VAV3: variants seen among roughly 807,000 people sequenced by gnomAD.
VAV3 encodes the protein vav guanine nucleotide exchange factor 3, also known as guanine nucleotide exchange factor VAV3.
Under a neutral mutation model 131.2 loss-of-function variants are expected in VAV3, and 94 were observed. The ratio of observed to expected loss-of-function variants is 0.72; its 90% CI spans 0.61 to 0.85. The LOEUF is 0.85. Ranked by LOEUF, VAV3 falls within the 40% of genes least tolerant of loss-of-function variation. The pLI, the probability that VAV3 is intolerant of heterozygous loss-of-function variation, is 0.00. For synonymous variants in VAV3, 349 were observed against 342.0 expected (o/e 1.02, Z -0.22); for missense variants, 939 against 1,002.7 (o/e 0.94, Z 0.86).
At chr1:107,749,732 G>A in intron 13 of VAV3, 138 bp from the exon 14 acceptor site, 1 of 926,176 alleles carries the variant, frequency 1.1e-6, no homozygotes, top group Non-Finnish European at 1.6e-6. Flanking sequence ...AAAACAACGG[G>A]GTATTTGAGG....
At chr1:107,641,056 G>A (rs1655302197) in intron 20 of VAV3, among the ~76,000 whole-genome samples, 1 of 152,096 alleles carries the variant, frequency 6.6e-6, no homozygotes, top group African/African-American at 2.4e-5. Flanking sequence ...ACACAGAAGT[G>A]GTCTGAAGAG....
At position 107,671,157 on chromosome 1, in the gene VAV3, C is replaced by T. The variant is rs561925024; in HGVS notation, c.1777+12331G>A. Among the ~76,000 whole-genome samples the T allele has an allele frequency of 3.2e-4, 48 of 152,300 alleles. 1 individual carries two copies. The South Asian group carries it at 6.4e-3, about 20-fold the overall frequency. On this transcript the variant is annotated intron_variant, in intron 19 of 26. Transcript: ENST00000370056. ...GTTTATCTAATCATGTTCACGTCCTCTAGACAAACTGAAAGAGTAATTCTT... is the reference window on the plus strand; with the variant it reads ...GTTTATCTAATCATGTTCACGTCCTTTAGACAAACTGAAAGAGTAATTCTT...
At chr1:107,603,311 C>T in intron 22 of VAV3, 148 bp from the exon 23 acceptor site, 2 of 624,298 alleles carry the variant, frequency 3.2e-6, no homozygotes, top group South Asian at 4.3e-5. Context: ...AAAAATAAAT[C>T]AGAAAAAGGT....
At chr1:107,692,352 A>G (rs1557767089) in intron 17 of VAV3, among the ~76,000 whole-genome samples, 1 of 152,202 alleles carries the variant, frequency 6.6e-6, no homozygotes, top group Non-Finnish European at 1.5e-5. Flanking sequence ...ACCATATAAT[A>G]GATTCCAATT....
intron 1 of VAV3, among the ~76,000 whole-genome samples, chr1:107,944,050 T>C (rs1331597829): frequency 6.6e-6 from 1 of 152,246 alleles, no homozygotes; most frequent in African/African-American, 2.4e-5. Flanking sequence ...TAGGCTAGGC[T>C]GCCATAAGCT....
intron 20 of VAV3, among the ~76,000 whole-genome samples, chr1:107,620,962 T>C (rs1332641169): frequency 6.6e-6 from 1 of 152,120 alleles, no homozygotes; most frequent in Non-Finnish European, 1.5e-5. Flanking sequence ...GATGAACATA[T>C]AATTTTCCAT....
rs541891504 is a variant in VAV3 at position 107,597,138 on chromosome 1, T to C, written c.2221-797A>G. On this transcript the variant is annotated intron_variant, in intron 24 of 26. Coordinates refer to ENST00000370056, the MANE Select transcript of VAV3 (RefSeq NM_006113.5). ...AGTCCTGTAGATATAAAATTTCTTA[T>C]AAATATCTGAAATGAAAATAAACGA... Among the ~76,000 whole-genome samples, 6 of 151,592 alleles carry C rather than the reference T, an allele frequency of 4.0e-5. 1 individual carries two copies. The South Asian group carries it at 1.3e-3, about 32-fold the overall frequency.
At chr1:107,888,008 G>GGC (rs1002239571) in intron 1 of VAV3, among the ~76,000 whole-genome samples, 15 of 151,918 alleles carry the variant, frequency 9.9e-5, no homozygotes, top group African/African-American at 3.6e-4. Flanking sequence ...AAAATTTGGG[G>GGC]GGGGGGTTAT....
chr1:107,776,840 T>A (rs960413692), intron 4 of VAV3, among the ~76,000 whole-genome samples: 23 of 152,176 alleles, frequency 1.5e-4, no homozygotes, highest in Admixed American at 1.3e-4. Flanking sequence ...TACTAAAACA[T>A]CCCGAATAGC....
chr1:107,641,518 A>T (rs2101496726), intron 20 of VAV3, among the ~76,000 whole-genome samples: 1 of 152,262 alleles, frequency 6.6e-6, no homozygotes, highest in East Asian at 1.9e-4. Flanking sequence ...TTAACATAAT[A>T]CCATATTTAC....
Position 107,666,381 on chromosome 1 carries a change from G to A in VAV3, c.1777+17107C>T, listed in dbSNP as rs1460367561. Reference sequence around the variant, plus strand: ...TTGGAGAATGCCAGAGTGACCTGAAGCAAGGTGATATCTGCAATTTGGAAA... The same window carrying A: ...TTGGAGAATGCCAGAGTGACCTGAAACAAGGTGATATCTGCAATTTGGAAA... On this transcript the variant is annotated intron_variant, in intron 19 of 26. Transcript: ENST00000370056. Among the ~76,000 whole-genome samples the A allele has an allele frequency of 3.3e-5, 5 of 152,266 alleles. No individual in the cohort carries two copies. In the South Asian group the frequency reaches 8.3e-4, roughly 25 times the overall value.
Position 107,601,693 on chromosome 1 carries a change from C to T in VAV3, c.2220+704G>A, listed in dbSNP as rs139243056. 1.8e-3 allele frequency among the ~76,000 whole-genome samples: 279 copies of T among 152,248 alleles called. 3 individuals carry two copies. Among genetic ancestry groups the T allele is most frequent in the African/African-American group, 6.2e-3 (258 of 41,548 alleles). On this transcript the variant is annotated intron_variant, in intron 24 of 26. Transcript: ENST00000370056. ...TGAATTTAGAGTTTACTGTTAGCAA[C>T]GCATACATGATGATATATACACATT...
At chr1:107,642,412 TTCA>T (rs1655409402) in intron 20 of VAV3, among the ~76,000 whole-genome samples, 1 of 152,156 alleles carries the variant, frequency 6.6e-6, no homozygotes, top group Non-Finnish European at 1.5e-5. Context: ...TGTTTAATAT[TTCA>T]TCAAGAAATA....
intron 1 of VAV3, among the ~76,000 whole-genome samples, chr1:107,908,270 G>T (rs571087629): frequency 2.6e-5 from 4 of 152,326 alleles, no homozygotes; most frequent in African/African-American, 9.6e-5. Context: ...ATGTTAGGGT[G>T]ATGTATACAT....
At chr1:107,844,071 G>A (rs1256115277) in intron 2 of VAV3, among the ~76,000 whole-genome samples, 1 of 152,106 alleles carries the variant, frequency 6.6e-6, no homozygotes, top group African/African-American at 2.4e-5. Context: ...AGCAACCAGT[G>A]AAACCAATGC....
intron 1 of VAV3, among the ~76,000 whole-genome samples, chr1:107,942,590 C>T (rs1342696281): frequency 6.6e-6 from 1 of 152,070 alleles, no homozygotes; most frequent in Non-Finnish European, 1.5e-5. Context: ...TCCCTTCATA[C>T]CTCTCATGAA....
intron 21 of VAV3, among the ~76,000 whole-genome samples, chr1:107,614,101 T>C (rs1322834410): frequency 6.6e-6 from 1 of 152,054 alleles, no homozygotes; most frequent in Non-Finnish European, 1.5e-5. Flanking sequence ...TCATCATCAG[T>C]GGGATGGGTT....
At chr1:107,580,858 T>A (rs1649992521) in intron 25 of VAV3, among the ~76,000 whole-genome samples, 1 of 152,220 alleles carries the variant, frequency 6.6e-6, no homozygotes, top group African/African-American at 2.4e-5. Flanking sequence ...ACTGATAATA[T>A]ATCCACTTGT....
intron 2 of VAV3, among the ~76,000 whole-genome samples, chr1:107,801,743 T>C (rs1015129057): frequency 7.2e-5 from 11 of 152,104 alleles, no homozygotes; most frequent in Admixed American, 6.5e-4. Flanking sequence ...ACCCCTGGAG[T>C]CTCTCTGAAT....
Sources: gnomAD v4.1 joint callset for allele counts (sites outside exome capture counted in the v4.1 genomes callset) on GRCh38, gnomAD v4.1.1 for gene constraint, MANE v1.5 for transcripts, NCBI Gene and HGNC (gene_info 2026-07-23, HGNC 2026-07-21) for gene names.